Variants in RNF216 observed in about 807,000 individuals in gnomAD.
RNF216 encodes E3 ubiquitin-protein ligase RNF216.
Under a neutral mutation model 110.8 loss-of-function variants are expected in RNF216, and 72 were observed. That is an observed-to-expected ratio of 0.65 (90% CI 0.54 to 0.79). The LOEUF (loss-of-function observed/expected upper bound fraction) is 0.79. RNF216 is among the 30% of genes least tolerant of loss of function. The pLI is 0.00. For missense variants in RNF216, 1,342 were observed against 1,141.2 expected (o/e 1.18, Z -2.54); for synonymous variants, 495 against 407.5 (o/e 1.21, Z -2.59).
intron 13 of RNF216, among the ~76,000 whole-genome samples, chr7:5,679,972 G>C (rs1455496262): frequency 6.6e-6 from 1 of 152,168 alleles, no homozygotes; most frequent in Non-Finnish European, 1.5e-5. Context: ...AGGGTCCTGG[G>C]AGTCTCTTGC....
At chr7:5,747,694 G>A (rs1054171516) in intron 3 of RNF216, among the ~76,000 whole-genome samples, 1 of 117,750 alleles carries the variant, frequency 8.5e-6, no homozygotes, top group Non-Finnish European at 1.6e-5. Flanking sequence ...ATGTTGCAGT[G>A]AGTCAAGATT....
intron 12 of RNF216, among the ~76,000 whole-genome samples, 168 bp downstream of exon 12, chr7:5,712,547 G>A (rs562999840): frequency 6.6e-5 from 10 of 151,844 alleles, no homozygotes; most frequent in African/African-American, 1.4e-4. Context: ...GTTCTGAGGC[G>A]TAAAAAATAA....
intron 5 of RNF216, among the ~76,000 whole-genome samples, chr7:5,734,754 G>A (rs1203931927): frequency 6.6e-6 from 1 of 151,460 alleles, no homozygotes; most frequent in East Asian, 1.9e-4. Context: ...AACCTGGGAG[G>A]CGAAGGTTGC....
chr7:5,686,823 C>T (rs1791017633), intron 13 of RNF216, among the ~76,000 whole-genome samples: 1 of 152,168 alleles, frequency 6.6e-6, no homozygotes, highest in African/African-American at 2.4e-5. Flanking sequence ...AGGCATTAGA[C>T]TCTCATAAGG....
Position 5,729,309 on chromosome 7 carries a change from C to T in RNF216, c.1389+123G>A, listed in dbSNP as rs546124950. On this transcript the variant is annotated intron_variant, in intron 7 of 16. Transcript: ENST00000389902. Reference sequence around the variant, plus strand: ...GCAAATACCCATCTATTTATCTTCACCCTAATAAATTCCTTAGCAATCATA... The same window carrying T: ...GCAAATACCCATCTATTTATCTTCATCCTAATAAATTCCTTAGCAATCATA... 5.8e-4 allele frequency: 503 copies of T among 866,314 alleles called. 1 individual carries two copies. The highest frequency in any genetic ancestry group is 1.1e-3 in the South Asian group (66 of 61,688). 53.7% of individuals were successfully genotyped at this position (866,314 alleles called of 1,614,324 possible). A position where few individuals can be genotyped will look rare whatever the true frequency, so the allele number is the denominator to read the frequency against.
At chr7:5,647,268 T>C (rs1051846175) in intron 14 of RNF216, among the ~76,000 whole-genome samples, 6 of 152,062 alleles carry the variant, frequency 3.9e-5, no homozygotes, top group African/African-American at 1.4e-4. Flanking sequence ...GAACTAAAGT[T>C]TGGTGAACAA....
intron 13 of RNF216, among the ~76,000 whole-genome samples, chr7:5,705,977 G>A (rs535980202): frequency 3.7e-4 from 56 of 150,692 alleles, no homozygotes; most frequent in African/African-American, 1.2e-3. Context: ...CACCACTCTG[G>A]GAGGCCGAAG....
At chr7:5,631,928 C>T (rs185969513) in intron 15 of RNF216, among the ~76,000 whole-genome samples, 133 of 152,304 alleles carry the variant, frequency 8.7e-4, no homozygotes, top group African/African-American at 3.1e-3. Flanking sequence ...GCTCACACCC[C>T]CTTCTCCACG....
intron 10 of RNF216, 139 bp from the exon 11 acceptor site, chr7:5,715,329 G>A: frequency 1.4e-6 from 1 of 726,766 alleles, no homozygotes; most frequent in Non-Finnish European, 2.3e-6. Flanking sequence ...ATAAAACAAT[G>A]ATATGCTGTT....
intron 13 of RNF216, among the ~76,000 whole-genome samples, chr7:5,657,605 A>C (rs952279233): frequency 3.3e-5 from 5 of 152,078 alleles, no homozygotes; most frequent in African/African-American, 9.7e-5. Flanking sequence ...TGAGACTATA[A>C]ATCTCCAGCA....
chr7:5,768,979 C>T (rs1796352858), intron 1 of RNF216, among the ~76,000 whole-genome samples: 1 of 151,800 alleles, frequency 6.6e-6, no homozygotes, highest in Non-Finnish European at 1.5e-5. Flanking sequence ...TTTTAAAATC[C>T]ACACATTAAC....
intron 5 of RNF216, among the ~76,000 whole-genome samples, chr7:5,734,327 A>G (rs1327247126): frequency 6.6e-6 from 1 of 152,202 alleles, no homozygotes; most frequent in African/African-American, 2.4e-5. Context: ...CATAATGCTG[A>G]GTGAAAAGAA....
At chr7:5,709,141 T>C (rs766165446) in intron 13 of RNF216, among the ~76,000 whole-genome samples, 6 of 152,166 alleles carry the variant, frequency 3.9e-5, no homozygotes, top group Admixed American at 3.3e-4. Flanking sequence ...GAGGAGTCAG[T>C]ACGTGCTAGT....
Position 5,739,429 on chromosome 7 carries a change from A to C in RNF216, c.1045-77T>G, listed in dbSNP as rs373322433. 1,461 of 1,389,952 alleles carry C rather than the reference A, an allele frequency of 1.1e-3. 28 individuals carry two copies. The South Asian group carries it at 0.017, about 16-fold the overall frequency. 86.1% of individuals were successfully genotyped at this position (1,389,952 alleles called of 1,614,324 possible). On this transcript the variant is annotated intron_variant, in intron 4 of 16. Coordinates refer to ENST00000389902, the MANE Select transcript of RNF216 (RefSeq NM_207111.4). ...AATGGCAATACAAGACAGATGGCAA[A>C]AAGTATAATAAAATGACTAAAGACT...
At chr7:5,633,950 T>C (rs774907603) in intron 15 of RNF216, among the ~76,000 whole-genome samples, 6 of 152,066 alleles carry the variant, frequency 3.9e-5, no homozygotes, top group Non-Finnish European at 8.8e-5. Context: ...CGCAGCAGGG[T>C]ATAGACAGGA....
chr7:5,655,635 C>T (rs1328432512), intron 13 of RNF216, among the ~76,000 whole-genome samples: 1 of 152,078 alleles, frequency 6.6e-6, no homozygotes, highest in Admixed American at 6.6e-5. Context: ...AAAGACAAGA[C>T]CAGACCATGT....
intron 12 of RNF216, among the ~76,000 whole-genome samples, chr7:5,712,252 G>A (rs539507087): frequency 2.1e-3 from 322 of 152,302 alleles, no homozygotes; most frequent in African/African-American, 7.5e-3. Context: ...GGCTGAGGTG[G>A]GTGGATCATT....
At chr7:5,655,293 T>C (rs955915752) in intron 13 of RNF216, among the ~76,000 whole-genome samples, 2 of 152,168 alleles carry the variant, frequency 1.3e-5, no homozygotes, top group African/African-American at 2.4e-5. Context: ...CGCTTCTTAC[T>C]GAAGGGCCCG....
chr7:5,767,321 T>C (rs897171914), intron 1 of RNF216, among the ~76,000 whole-genome samples: 4 of 151,972 alleles, frequency 2.6e-5, no homozygotes, highest in African/African-American at 9.7e-5. Context: ...AAATCTTAAG[T>C]GTGAAAAAAT....
Sources: allele counts gnomAD v4.1 joint callset (sites outside exome capture counted in the v4.1 genomes callset), GRCh38; gene constraint gnomAD v4.1.1; transcripts MANE v1.5; gene names NCBI Gene and HGNC (gene_info 2026-07-23, HGNC 2026-07-21).